The following TJP1 variants were observed in gnomAD, a reference collection of about 807,000 sequenced individuals.
TJP1 encodes tight junction protein ZO-1.
Under a neutral mutation model 194.2 loss-of-function variants are expected in TJP1, and 43 were observed. That is an observed-to-expected ratio of 0.22 (90% CI 0.17 to 0.29). The LOEUF is 0.29. TJP1 is among the 10% of genes least tolerant of loss of function. The pLI, the probability that TJP1 is intolerant of heterozygous loss-of-function variation, is 1.00. For synonymous variants in TJP1, 801 were observed against 779.0 expected (o/e 1.03, Z -0.47); for missense variants, 1,971 against 2,185.7 (o/e 0.90, Z 1.96).
At chr15:29,903,728 G>A (rs2053711444) in intron 2 of TJP1, among the ~76,000 whole-genome samples, 1 of 152,196 alleles carries the variant, frequency 6.6e-6, no homozygotes, top group Non-Finnish European at 1.5e-5. Flanking sequence ...ACAGGCGTGA[G>A]CTACCACGCC....
intron 2 of TJP1, among the ~76,000 whole-genome samples, chr15:29,783,522 G>A (rs1328512293): frequency 2.6e-5 from 4 of 152,116 alleles, no homozygotes; most frequent in African/African-American, 9.7e-5. Context: ...ACACATGCAC[G>A]TATATGTTCA....
intron 2 of TJP1, among the ~76,000 whole-genome samples, chr15:29,872,298 A>T (rs1478397178): frequency 6.6e-6 from 1 of 152,168 alleles, no homozygotes; most frequent in Admixed American, 6.5e-5. Flanking sequence ...TTTTCCCTAG[A>T]TTTGTCATCT....
intron 1 of TJP1, among the ~76,000 whole-genome samples, chr15:29,803,410 T>C (rs2151902799): frequency 6.6e-6 from 1 of 152,270 alleles, no homozygotes; most frequent in South Asian, 2.1e-4. Context: ...TTGTGTTAGA[T>C]AATTTTGCCC....
intron 2 of TJP1, among the ~76,000 whole-genome samples, chr15:29,910,295 T>C (rs1464175936): frequency 1.3e-5 from 2 of 152,242 alleles, no homozygotes; most frequent in Non-Finnish European, 2.9e-5. Context: ...CATCAAAGTG[T>C]GTTTATATTT....
At chr15:29,789,356 T>C (rs1454605776) in intron 2 of TJP1, among the ~76,000 whole-genome samples, 2 of 152,098 alleles carry the variant, frequency 1.3e-5, no homozygotes, top group African/African-American at 2.4e-5. Flanking sequence ...TAGTAGGAGA[T>C]GGGGTAAACA....
In TJP1 at chr15:29,767,619, G is replaced by T. The variant is rs78004583; in HGVS notation, c.313-1077C>A. On this transcript the variant is annotated intron_variant, in intron 4 of 27. Coordinates refer to ENST00000614355, the MANE Select transcript of TJP1 (RefSeq NM_001330239.4). The stretch of plus-strand genomic sequence containing the variant: ...TTCATTTTACAGAAGTCTTGCTCTT[G>T]TTCAGCAATCCTTTCATCTACATAT... Among the ~76,000 whole-genome samples the T allele has an allele frequency of 4.0e-3, 611 of 151,966 alleles. 16 individuals carry two copies. The East Asian group carries it at 0.076, about 19-fold the overall frequency.
chr15:29,854,616 G>A (rs1002601982), intron 2 of TJP1, among the ~76,000 whole-genome samples: 7 of 152,174 alleles, frequency 4.6e-5, no homozygotes, highest in African/African-American at 1.7e-4. Context: ...AGATTTTGGA[G>A]TTCCAGCCTT....
chr15:29,852,166 C>T (rs545482746), intron 2 of TJP1, among the ~76,000 whole-genome samples: 1 of 152,084 alleles, frequency 6.6e-6, no homozygotes, highest in African/African-American at 2.4e-5. Context: ...TGCTAAAGAG[C>T]TGTGATGAGG....
intron 2 of TJP1, among the ~76,000 whole-genome samples, chr15:29,784,189 T>A (rs1437602289): frequency 6.6e-6 from 1 of 151,740 alleles, no homozygotes; most frequent in Non-Finnish European, 1.5e-5. Flanking sequence ...ACTGAAAGAG[T>A]TTACATCACT....
At chr15:29,727,576 C>A (rs1334472562) in intron 16 of TJP1, among the ~76,000 whole-genome samples, 1 of 152,170 alleles carries the variant, frequency 6.6e-6, no homozygotes, top group African/African-American at 2.4e-5. Context: ...CGCAATCTGA[C>A]AGTATTATCC....
At chr15:29,786,503 A>G (rs1466783176) in intron 2 of TJP1, among the ~76,000 whole-genome samples, 1 of 152,114 alleles carries the variant, frequency 6.6e-6, no homozygotes, top group Non-Finnish European at 1.5e-5. Flanking sequence ...TGTTCCATAA[A>G]CTTTTTGTTT....
chr15:29,749,148 GTT>G (rs71103409), intron 8 of TJP1, among the ~76,000 whole-genome samples: 1 of 141,242 alleles, frequency 7.1e-6, no homozygotes, highest in Non-Finnish European at 1.6e-5. Context: ...AGTTTCTGTT[GTT>G]TTTTTTTTTT....
intron 2 of TJP1, among the ~76,000 whole-genome samples, chr15:29,912,971 G>A (rs191129475): frequency 3.3e-5 from 5 of 152,292 alleles, no homozygotes; most frequent in South Asian, 2.1e-4. Context: ...AAGCAGAGAC[G>A]AGCAGAGATT....
intron 2 of TJP1, among the ~76,000 whole-genome samples, chr15:29,933,448 A>G (rs1242018931): frequency 2.6e-5 from 4 of 152,230 alleles, no homozygotes; most frequent in Non-Finnish European, 5.9e-5. Flanking sequence ...GAATCAGGAT[A>G]TTGTGGAAGA....
chr15:29,869,837 C>T (rs1435164125), intron 2 of TJP1, among the ~76,000 whole-genome samples: 6 of 113,166 alleles, frequency 5.3e-5, no homozygotes, highest in African/African-American at 1.6e-4. Context: ...GACAGAGTCT[C>T]ACTCTGTTGC....
At chr15:29,832,937 G>A (rs376548185) in intron 2 of TJP1, among the ~76,000 whole-genome samples, 7 of 152,274 alleles carry the variant, frequency 4.6e-5, no homozygotes, top group South Asian at 2.1e-4. Context: ...GTGAGAGGCC[G>A]CCTAGCTTTT....
intron 16 of TJP1, 100 bp downstream of exon 16, chr15:29,727,835 AAT>A: frequency 2.3e-6 from 2 of 873,302 alleles, no homozygotes; most frequent in South Asian, 1.6e-5. Flanking sequence ...GTATGTCAGT[AAT>A]AGTCTCAGAA....
In TJP1 at chr15:29,955,654, T is replaced by C. The variant is rs141343803; in HGVS notation, c.306+578A>G. Among the ~76,000 whole-genome samples the C allele has an allele frequency of 4.5e-3, 665 of 148,328 alleles. 6 individuals carry two copies. Among genetic ancestry groups the C allele is most frequent in the African/African-American group, 0.016 (642 of 40,018 alleles). ...TAGTCCCAACTACTTGGGAGGCTGA[T>C]GTGGGAGGATCACATGAGCCCAGGT... On this transcript the variant is annotated intron_variant, in intron 2 of 28. Transcript: ENST00000356107.
chr15:29,840,606 C>T (rs1426811989), intron 2 of TJP1, among the ~76,000 whole-genome samples: 1 of 152,160 alleles, frequency 6.6e-6, no homozygotes, highest in Non-Finnish European at 1.5e-5. Context: ...GCCCATCCTG[C>T]CCACAACACT....
Sources: allele counts gnomAD v4.1 joint callset (sites outside exome capture counted in the v4.1 genomes callset), GRCh38; gene constraint gnomAD v4.1.1; transcripts MANE v1.5; gene names NCBI Gene and HGNC (gene_info 2026-07-23, HGNC 2026-07-21).